ADAM18: variants seen among roughly 807,000 people sequenced by gnomAD.
The protein encoded by ADAM18 is ADAM metallopeptidase domain 18.
A neutral mutation model predicts 94.4 loss-of-function variants in ADAM18; 117 were observed. That is an observed-to-expected ratio of 1.24 (90% CI 1.07 to 1.45). The LOEUF (loss-of-function observed/expected upper bound fraction) is 1.45. Among genes scored for constraint, ADAM18 ranks in the 40% most tolerant of loss-of-function variants. ADAM18 has a pLI of 0.00. For missense variants in ADAM18, 936 were observed against 880.0 expected (o/e 1.06, Z -0.81); for synonymous variants, 327 against 291.6 (o/e 1.12, Z -1.24).
At chr8:39,687,518 G>C (rs1821639117) in intron 16 of ADAM18, among the ~76,000 whole-genome samples, 1 of 152,080 alleles carries the variant, frequency 6.6e-6, no homozygotes, top group Non-Finnish European at 1.5e-5. Context: ...TTTGTTACAT[G>C]GGTAAATTAC....
At chr8:39,704,148 C>G (rs1822161950) in intron 17 of ADAM18, among the ~76,000 whole-genome samples, 1 of 152,106 alleles carries the variant, frequency 6.6e-6, no homozygotes, top group South Asian at 2.1e-4. Flanking sequence ...TGAGCTAGTA[C>G]AATTACTACT....
chr8:39,670,665 A>G (rs901931900), intron 14 of ADAM18, among the ~76,000 whole-genome samples: 8 of 152,258 alleles, frequency 5.3e-5, no homozygotes, highest in African/African-American at 1.2e-4. Context: ...TAAGAGAAAA[A>G]GACAGTAAAA....
Position 39,663,839 on chromosome 8 carries a change from G to A in ADAM18, c.1275G>A (p.Leu425=), listed in dbSNP as rs1337183027. Residue 425 remains leucine (L), a synonymous_variant, in exon 13 of 20, where the codon CTG becomes CTA. Transcript: ENST00000265707. The part of the protein sequence containing the change: ...KKCCDYNTCK[L]KGSVKCGSGP... ...GCTGTGATTATAACACATGTAAACTGAAGGGCTCAGTAAAATGTGGTTCTG... is the reference window on the plus strand; with the variant it reads ...GCTGTGATTATAACACATGTAAACTAAAGGGCTCAGTAAAATGTGGTTCTG... 4 of 1,612,612 alleles carry A rather than the reference G, an allele frequency of 2.5e-6. No individual in the cohort carries two copies. In the East Asian group the frequency reaches 8.9e-5, roughly 36 times the overall value.
intron 2 of ADAM18, among the ~76,000 whole-genome samples, chr8:39,599,609 A>G (rs867076717): frequency 9.9e-5 from 15 of 152,018 alleles, no homozygotes; most frequent in Non-Finnish European, 1.5e-4. Context: ...TTCACTAATC[A>G]TTTTTCTGAA....
Position 39,609,407 on chromosome 8 carries a change from G to T in ADAM18, c.268-78G>T. 5.4e-6 allele frequency: 5 copies of T among 919,038 alleles called. No homozygotes were observed. The East Asian group carries it at 7.8e-5, about 14-fold the overall frequency. The allele number at this position is 919,038 out of a possible 1,614,324, so 56.9% of individuals were successfully genotyped here. A position where few individuals can be genotyped will look rare whatever the true frequency, so the allele number is the denominator to read the frequency against. On this transcript the variant is annotated intron_variant, in intron 4 of 19. Transcript: ENST00000265707. ...TTATTATTAAATCTTTTAATATTTT[G>T]AATCTTCTGACATGTTTGACAATAC... is the stretch of plus-strand genomic sequence containing the variant.
chr8:39,597,811 T>C (rs1319517599), intron 2 of ADAM18, among the ~76,000 whole-genome samples: 1 of 152,184 alleles, frequency 6.6e-6, no homozygotes, highest in Non-Finnish European at 1.5e-5. Context: ...TTTGTCGATA[T>C]TTGCAAAATA....
intron 18 of ADAM18, among the ~76,000 whole-genome samples, chr8:39,713,958 A>G (rs1033524391): frequency 1.3e-5 from 2 of 152,218 alleles, no homozygotes; most frequent in African/African-American, 4.8e-5. Context: ...CCAAAGGATT[A>G]TAAATCATGC....
Position 39,585,365 on chromosome 8 carries a change from G to T in ADAM18, c.132+13G>T, listed in dbSNP as rs372388888. ...TTCAGAGAGGAAGGTAAATGATGAG[G>T]AATATTTATTCTATATTTAAAGCTT... On this transcript the variant is annotated intron_variant, in intron 2 of 19. Transcript: ENST00000265707. 35 of 1,589,402 alleles carry T rather than the reference G, an allele frequency of 2.2e-5. No individual in the cohort carries two copies. In the African/African-American group the frequency reaches 4.3e-4, roughly 20 times the overall value.
intron 11 of ADAM18, among the ~76,000 whole-genome samples, chr8:39,647,593 C>T (rs1443493555): frequency 4.6e-5 from 7 of 152,266 alleles, no homozygotes; most frequent in African/African-American, 7.2e-5. Flanking sequence ...ACGGTCAGGT[C>T]TTTGTCATCC....
intron 2 of ADAM18, 116 bp from the exon 3 acceptor site, chr8:39,606,191 T>C (rs1267548585): frequency 4.9e-6 from 3 of 609,408 alleles, no homozygotes; most frequent in Non-Finnish European, 5.7e-6. Flanking sequence ...TAATAAATTC[T>C]AAAGATTATG....
chr8:39,691,180 A>G (rs537688802), intron 16 of ADAM18, among the ~76,000 whole-genome samples: 2 of 152,306 alleles, frequency 1.3e-5, no homozygotes, highest in South Asian at 4.1e-4. Context: ...TGAAACAAGA[A>G]AAGTTTATAA....
intron 13 of ADAM18, among the ~76,000 whole-genome samples, chr8:39,665,562 A>C (rs971032706): frequency 2.0e-4 from 30 of 152,220 alleles, no homozygotes; most frequent in African/African-American, 7.0e-4. Context: ...CCCACCAGAC[A>C]CTTATGAGAC....
intron 3 of ADAM18, among the ~76,000 whole-genome samples, chr8:39,606,730 G>A (rs1819098039): frequency 6.6e-6 from 1 of 152,118 alleles, no homozygotes; most frequent in Non-Finnish European, 1.5e-5. Context: ...CTTTGTGTGA[G>A]CAATAAAGCT....
intron 17 of ADAM18, among the ~76,000 whole-genome samples, chr8:39,700,472 T>A (rs2129581114): frequency 6.6e-6 from 1 of 152,278 alleles, no homozygotes; most frequent in South Asian, 2.1e-4. Flanking sequence ...AAAATGTACA[T>A]AGAACTTTTA....
At chr8:39,697,413 T>G (rs999011997) in intron 17 of ADAM18, among the ~76,000 whole-genome samples, 1 of 151,758 alleles carries the variant, frequency 6.6e-6, no homozygotes, top group East Asian at 1.9e-4. Flanking sequence ...TAAATTTTTG[T>G]ATGTTGTGTT....
At chr8:39,710,033 G>T (rs1055841362) in intron 18 of ADAM18, among the ~76,000 whole-genome samples, 1 of 152,156 alleles carries the variant, frequency 6.6e-6, no homozygotes, top group Non-Finnish European at 1.5e-5. Flanking sequence ...GGGTATCAGG[G>T]AATGGTCATA....
intron 2 of ADAM18, among the ~76,000 whole-genome samples, chr8:39,596,034 A>G (rs1178016707): frequency 6.6e-6 from 1 of 152,232 alleles, no homozygotes; most frequent in East Asian, 1.9e-4. Flanking sequence ...TTCTAAAATA[A>G]ACTGTGTGTG....
At chr8:39,592,043 C>A (rs982838973) in intron 2 of ADAM18, among the ~76,000 whole-genome samples, 1 of 152,132 alleles carries the variant, frequency 6.6e-6, no homozygotes, top group African/African-American at 2.4e-5. Flanking sequence ...TCTCAACAGT[C>A]AGCTTCAAAT....
intron 14 of ADAM18, among the ~76,000 whole-genome samples, chr8:39,668,673 C>T (rs1361295998): frequency 1.3e-5 from 2 of 152,050 alleles, no homozygotes; most frequent in Admixed American, 6.6e-5. Context: ...TTTCAAACAG[C>T]TTTGAGAGTA....
Sources: allele counts gnomAD v4.1 joint callset (sites outside exome capture counted in the v4.1 genomes callset), GRCh38; gene constraint gnomAD v4.1.1; transcripts MANE v1.5; gene names NCBI Gene and HGNC (gene_info 2026-07-23, HGNC 2026-07-21).